MMP16: variants seen among roughly 807,000 people sequenced by gnomAD.
MMP16 encodes the protein matrix metallopeptidase 16.
Under a neutral mutation model 67.8 loss-of-function variants are expected in MMP16, and 12 were observed. The ratio of observed to expected loss-of-function variants is 0.18; its 90% CI spans 0.11 to 0.29. The LOEUF is 0.29. Among genes scored for constraint, MMP16 ranks in the 10% least tolerant of loss-of-function variants. The pLI is 1.00. For synonymous variants in MMP16, 249 were observed against 255.9 expected (o/e 0.97, Z 0.26); for missense variants, 475 against 765.7 (o/e 0.62, Z 4.48).
rs539998026 is a variant in MMP16 at position 88,098,616 on chromosome 8, G to T, written c.1083+17891C>A. Among the ~76,000 whole-genome samples, 7 of 151,988 alleles carry T rather than the reference G, an allele frequency of 4.6e-5. No individual in the cohort carries two copies. The East Asian group carries it at 1.4e-3, about 30-fold the overall frequency. On this transcript the variant is annotated intron_variant, in intron 6 of 9. Transcript: ENST00000286614. ...TTCAAGAGTAAATATTACTACTACA[G>T]ATTAAAGGAATAAATGAAACTAATT... is the stretch of plus-strand genomic sequence containing the variant.
rs556483388 is a variant in MMP16, at chr8:88,071,172, G to A, written c.1222+3433C>T. 8.6e-4 allele frequency among the ~76,000 whole-genome samples: 131 copies of A among 151,952 alleles called. 1 individual carries two copies. Among genetic ancestry groups the A allele is most frequent in the African/African-American group, 3.1e-3 (129 of 41,478 alleles). ...TATAAATTTTTAATTGTATCTAATG[G>A]CTTCTCATTCTTCTTAAGATTTATA... On this transcript the variant is annotated intron_variant, in intron 7 of 9. Coordinates refer to ENST00000286614, the MANE Select transcript of MMP16 (RefSeq NM_005941.5).
chr8:88,293,772 A>G (rs79281317), intron 1 of MMP16, among the ~76,000 whole-genome samples: 4,961 of 152,194 alleles, frequency 0.033, 245 homozygotes, highest in African/African-American at 0.1. Flanking sequence ...GTATGAGTGA[A>G]ATTAGGATTT....
intron 1 of MMP16, among the ~76,000 whole-genome samples, chr8:88,296,618 G>A (rs1811016610): frequency 6.6e-6 from 1 of 152,014 alleles, no homozygotes. Context: ...CAGATTCCTT[G>A]AGGCCAAGAG....
chr8:88,225,614 T>C (rs1456481080), intron 1 of MMP16, among the ~76,000 whole-genome samples: 1 of 151,904 alleles, frequency 6.6e-6, no homozygotes, highest in Non-Finnish European at 1.5e-5. Context: ...ACTTTGAATG[T>C]TTTCATCTTT....
At chr8:88,187,668 A>G (rs969372109) in intron 2 of MMP16, among the ~76,000 whole-genome samples, 2 of 152,212 alleles carry the variant, frequency 1.3e-5, no homozygotes, top group Non-Finnish European at 2.9e-5. Flanking sequence ...AGTAATTTAC[A>G]TGTTATGCAA....
intron 6 of MMP16, among the ~76,000 whole-genome samples, chr8:88,100,158 T>C (rs1809115134): frequency 6.6e-6 from 1 of 151,974 alleles, no homozygotes; most frequent in Non-Finnish European, 1.5e-5. Flanking sequence ...CATGAAGTCC[T>C]TAGCCATGCC....
intron 2 of MMP16, among the ~76,000 whole-genome samples, chr8:88,192,915 G>C (rs1013844458): frequency 6.6e-6 from 1 of 152,006 alleles, no homozygotes; most frequent in Non-Finnish European, 1.5e-5. Context: ...TGAAAGCTGG[G>C]GGGCATCTGA....
At chr8:88,260,781 AT>A (rs951196492) in intron 1 of MMP16, among the ~76,000 whole-genome samples, 5 of 152,156 alleles carry the variant, frequency 3.3e-5, no homozygotes, top group African/African-American at 4.8e-5. Flanking sequence ...AATGACTAAA[AT>A]ATCCTCATGT....
At chr8:88,100,170 A>G (rs138906935) in intron 6 of MMP16, among the ~76,000 whole-genome samples, 34 of 152,060 alleles carry the variant, frequency 2.2e-4, no homozygotes, top group African/African-American at 7.7e-4. Flanking sequence ...AGCCATGCCT[A>G]TGTCCTGAAT....
chr8:88,065,700 G>A (rs897800527), intron 7 of MMP16, among the ~76,000 whole-genome samples: 7 of 151,828 alleles, frequency 4.6e-5, no homozygotes, highest in African/African-American at 1.7e-4. Flanking sequence ...CCTATTTATT[G>A]TACTATGTAA....
At chr8:88,231,976 C>G (rs1809866695) in intron 1 of MMP16, among the ~76,000 whole-genome samples, 1 of 152,080 alleles carries the variant, frequency 6.6e-6, no homozygotes, top group South Asian at 2.1e-4. Flanking sequence ...GCTAATGATA[C>G]TTCCTCCATC....
At chr8:88,297,825 T>C (rs1424087859) in intron 1 of MMP16, among the ~76,000 whole-genome samples, 2 of 152,210 alleles carry the variant, frequency 1.3e-5, no homozygotes, top group Non-Finnish European at 2.9e-5. Flanking sequence ...CTCAGAGAGT[T>C]AAAAATGGAA....
At chr8:88,315,083 C>T (rs1236376728) in intron 1 of MMP16, among the ~76,000 whole-genome samples, 1 of 152,218 alleles carries the variant, frequency 6.6e-6, no homozygotes, top group East Asian at 1.9e-4. Flanking sequence ...TTGAATATCA[C>T]TGTTCAAACA....
rs1050975926 is a variant in MMP16, at chr8:88,058,686, A to G, written c.1223-2408T>C. On this transcript the variant is annotated intron_variant, in intron 7 of 9. Coordinates refer to ENST00000286614, the MANE Select transcript of MMP16 (RefSeq NM_005941.5). The surrounding 1 kb of genome is among the most constrained non-coding windows in gnomAD (Gnocchi z 4.2). ...GAAGATTGTTTGAGGTAAAAGAAAC[A>G]TAAAGAATAAATGCCATAATGGGAA... 3.3e-5 allele frequency among the ~76,000 whole-genome samples: 5 copies of G among 152,168 alleles called. No homozygotes were observed. The highest frequency in any genetic ancestry group is 2.6e-4 in the Admixed American group (4 of 15,258).
At chr8:88,277,157 G>C (rs1047533257) in intron 1 of MMP16, among the ~76,000 whole-genome samples, 1 of 152,024 alleles carries the variant, frequency 6.6e-6, no homozygotes, top group African/African-American at 2.4e-5. Context: ...TAAAACTAAA[G>C]GTGTTCAACT....
chr8:88,292,558 T>A (rs1041199656), intron 1 of MMP16, among the ~76,000 whole-genome samples: 3 of 152,130 alleles, frequency 2.0e-5, no homozygotes, highest in Non-Finnish European at 4.4e-5. Context: ...CAATACCTAT[T>A]TGAAAGGTAA....
chr8:88,088,033 T>C (rs1808866649), intron 6 of MMP16, among the ~76,000 whole-genome samples: 1 of 94,784 alleles, frequency 1.1e-5, no homozygotes, highest in South Asian at 3.4e-4. Context: ...ATTATATATA[T>C]AGATATATAG....
At position 88,293,750 on chromosome 8, in the gene MMP16, C is replaced by T. The variant is rs1586004248; in HGVS notation, c.132+33325G>A. Among the ~76,000 whole-genome samples, 4 of 151,908 alleles carry T rather than the reference C, an allele frequency of 2.6e-5. No homozygotes were observed. In the East Asian group the frequency reaches 5.8e-4, roughly 22 times the overall value. On this transcript the variant is annotated intron_variant, in intron 1 of 9. Transcript: ENST00000286614. Reference sequence around the variant, plus strand: ...CTTCAGACTGTTTAAACAATTTTTCCAAGACGGCATTGTATGAGTGAAATT... The same window carrying T: ...CTTCAGACTGTTTAAACAATTTTTCTAAGACGGCATTGTATGAGTGAAATT...
chr8:88,061,762 T>A (rs1239917584), intron 7 of MMP16, among the ~76,000 whole-genome samples: 1 of 152,132 alleles, frequency 6.6e-6, no homozygotes, highest in Non-Finnish European at 1.5e-5. Flanking sequence ...TTGCTGTTTA[T>A]AAAAACTATG....
Sources: gnomAD v4.1 joint callset for allele counts (sites outside exome capture counted in the v4.1 genomes callset) on GRCh38, gnomAD v4.1.1 for gene constraint, Gnocchi (gnomAD v3.1) non-coding constraint, MANE v1.5 for transcripts, NCBI Gene and HGNC (gene_info 2026-07-23, HGNC 2026-07-21) for gene names.